The following TLE7 variants were observed in gnomAD, a reference collection of about 807,000 sequenced individuals.
TLE7 encodes transducin-like enhancer protein 7.
chr16:71,434,800 T>C (rs1263799359), intron 1 of TLE7, among the ~76,000 whole-genome samples: 1 of 152,200 alleles, frequency 6.6e-6, no homozygotes, highest in African/African-American at 2.4e-5. Flanking sequence ...CCTACCTCCC[T>C]ATTAGAAGGA....
chr16:71,438,681 C>CAAAAA (rs71389663), intron 1 of TLE7, among the ~76,000 whole-genome samples: 2 of 65,756 alleles, frequency 3.0e-5, no homozygotes, highest in African/African-American at 5.0e-5. Context: ...GACTCCATCT[C>CAAAAA]AAAAAAAAAA....
intron 1 of TLE7, among the ~76,000 whole-genome samples, chr16:71,441,759 C>T (rs1032493840): frequency 6.6e-6 from 1 of 152,242 alleles, no homozygotes; most frequent in Non-Finnish European, 1.5e-5. Flanking sequence ...GAGCCGAGGC[C>T]CAGGGTCAGA....
Position 71,431,555 on chromosome 16 carries a change from C to A in TLE7, c.859G>T (p.Glu287Ter), listed in dbSNP as rs2042803659. The change falls in exon 7 of 10, where the codon GAA becomes TAA. Residue 287 changes from glutamate (E) to a stop codon, truncating the protein, a stop_gained. Transcript: ENST00000561754. LOFTEE classifies it high-confidence loss of function. This position sits in a 1 kb window ranked among gnomAD's most constrained non-coding sequence, Gnocchi z 4.5. Reference sequence around the variant, plus strand: ...CATCGGGACCCGTATACAGGAACTTCGTGCTTCCTGGTGGGTGGGAAAACA... The same window carrying A: ...CATCGGGACCCGTATACAGGAACTTAGTGCTTCCTGGTGGGTGGGAAAACA... The part of the protein sequence containing the change: ...LQNQILIRKH[E>*]VPVYGSRCVD... 1 of 400,778 alleles carries A rather than the reference C, an allele frequency of 2.5e-6. No homozygotes were observed. Among genetic ancestry groups the A allele is most frequent in the East Asian group, 3.6e-5 (1 of 28,062 alleles). The allele number at this position is 400,778 out of a possible 1,614,324, so 24.8% of individuals were successfully genotyped here.
intron 1 of TLE7, among the ~76,000 whole-genome samples, chr16:71,441,247 C>A (rs2042846580): frequency 6.6e-6 from 1 of 152,218 alleles, no homozygotes; most frequent in South Asian, 2.1e-4. Flanking sequence ...AAGAAAAGTT[C>A]ACTTTTTTTT....
intron 1 of TLE7, among the ~76,000 whole-genome samples, chr16:71,435,222 C>T (rs925527089): frequency 3.9e-5 from 6 of 152,162 alleles, no homozygotes; most frequent in Non-Finnish European, 7.4e-5. Context: ...ACCAGCCTGA[C>T]CAACAAGGTG....
At chr16:71,439,588 A>G (rs2042839536) in intron 1 of TLE7, among the ~76,000 whole-genome samples, 1 of 152,124 alleles carries the variant, frequency 6.6e-6, no homozygotes, top group African/African-American at 2.4e-5. Flanking sequence ...ACAAGACTGG[A>G]GGCTGGGAAC....
In TLE7 at chr16:71,432,911, G is replaced by C. The variant is rs560334197; in HGVS notation, c.312-19C>G. 1.8e-5 allele frequency: 7 copies of C among 398,908 alleles called. No homozygotes were observed. In the Admixed American group the frequency reaches 2.6e-4, roughly 15 times the overall value. 24.7% of individuals were successfully genotyped at this position (398,908 alleles called of 1,614,324 possible). A position where few individuals can be genotyped will look rare whatever the true frequency, so the allele number is the denominator to read the frequency against. ...TAGGAAGCTACAACACATGGAGAGA[G>C]GGAGGGAGGAGACAGAGTGTGAGCC... On this transcript the variant is annotated intron_variant, in intron 2 of 9. Coordinates refer to ENST00000561754, the MANE Select transcript of TLE7 (RefSeq NM_001367365.2).
chr16:71,437,350 G>GAAAA (rs57942255), intron 1 of TLE7, among the ~76,000 whole-genome samples: 1 of 89,660 alleles, frequency 1.1e-5, no homozygotes, highest in Admixed American at 1.3e-4. Context: ...CTCTGTCTCA[G>GAAAA]AAAAAAAAAA....
chr16:71,434,453 C>T (rs576737775), intron 1 of TLE7, among the ~76,000 whole-genome samples: 17 of 152,178 alleles, frequency 1.1e-4, no homozygotes, highest in South Asian at 2.1e-4. Context: ...AGACAATGCG[C>T]GGGGAAAGGA....
intron 1 of TLE7, among the ~76,000 whole-genome samples, chr16:71,440,346 C>A (rs542058916): frequency 6.6e-6 from 1 of 152,204 alleles, no homozygotes; most frequent in East Asian, 1.9e-4. Context: ...TAAGATGAGC[C>A]GGGCACCTGT....
chr16:71,439,166 AAGTCAG>A (rs2145047330), intron 1 of TLE7, among the ~76,000 whole-genome samples: 1 of 152,262 alleles, frequency 6.6e-6, no homozygotes, highest in African/African-American at 2.4e-5. Flanking sequence ...TGGAGATTAC[AAGTCAG>A]AGTGGAAAGT....
At position 71,433,077 on chromosome 16, in the gene TLE7, G is replaced by A. The variant is rs561472614; in HGVS notation, c.248C>T (p.Ser83Phe). ...AGGGAGCCCAGCGGCCTGGAGCTCA[G>A]ATCTACCCAGGCCCTGGAGGTGCCA... The part of the protein sequence containing the change: ...QQWHLQGLGR[S>F]ELQAAGLPDA... The change falls in exon 2 of 10, where the codon TCT becomes TTT. Residue 83 changes from serine to phenylalanine, a missense_variant. By Grantham distance (155) the Ser-to-Phe change is radical. Coordinates refer to ENST00000561754, the MANE Select transcript of TLE7 (RefSeq NM_001367365.2). 1.8e-5 allele frequency: 7 copies of A among 398,724 alleles called. No homozygotes were observed. The highest frequency in any genetic ancestry group is 3.1e-5 in the Non-Finnish European group (7 of 226,268). 24.7% of individuals were successfully genotyped at this position (398,724 alleles called of 1,614,324 possible). A position where few individuals can be genotyped will look rare whatever the true frequency, so the allele number is the denominator to read the frequency against.
chr16:71,440,505 TA>T (rs558393321), intron 1 of TLE7, among the ~76,000 whole-genome samples: 144 of 152,254 alleles, frequency 9.5e-4, no homozygotes, highest in African/African-American at 3.4e-3. Context: ...GCTAAAGTGT[TA>T]AATTTCATGT....
chr16:71,430,473 G>A, intron 9 of TLE7, 107 bp from the exon 10 acceptor site: 1 of 398,130 alleles, frequency 2.5e-6, no homozygotes. Flanking sequence ...TCAGGTGGAG[G>A]ACAGGGCCAG....
intron 1 of TLE7, among the ~76,000 whole-genome samples, chr16:71,436,005 C>T (rs2042824700): frequency 6.6e-6 from 1 of 152,154 alleles, no homozygotes; most frequent in South Asian, 2.1e-4. Context: ...CTAGAAAGAG[C>T]AGGAGGAAGA....
At chr16:71,437,324 G>A (rs1370905109) in intron 1 of TLE7, among the ~76,000 whole-genome samples, 2 of 135,714 alleles carry the variant, frequency 1.5e-5, no homozygotes, top group African/African-American at 5.6e-5. Context: ...ATTCCAGCCT[G>A]AGTGACAGAG....
chr16:71,433,163 C>A lies in TLE7; in HGVS notation c.162G>T (p.Pro54=). The part of the protein sequence containing the change: ...GSLLGVPWQP[P]GPPIQHSPAD... ...CAGGGCTGTGCTGTATTGGGGGGCC[C>A]GGGGGCTGCCAGGGCACTCCCAACA... The change falls in exon 2 of 10, where the codon CCG becomes CCT. Residue 54 remains proline (P), a synonymous_variant. Transcript: ENST00000561754. 1 of 398,692 alleles carries A rather than the reference C, an allele frequency of 2.5e-6. No individual in the cohort carries two copies. The highest frequency in any genetic ancestry group is 4.4e-6 in the Non-Finnish European group (1 of 226,144). 24.7% of individuals were successfully genotyped at this position (398,692 alleles called of 1,614,324 possible). A position where few individuals can be genotyped will look rare whatever the true frequency, so the allele number is the denominator to read the frequency against.
intron 1 of TLE7, among the ~76,000 whole-genome samples, chr16:71,437,975 C>T (rs754134390): frequency 5.9e-5 from 9 of 152,250 alleles, no homozygotes; most frequent in South Asian, 2.1e-4. Context: ...TGATCCAGAC[C>T]CCAAGAGTCT....
chr16:71,431,546 C>T lies in TLE7; in HGVS notation c.868G>A (p.Val290Ile), dbSNP rs1596984448. The part of the protein sequence containing the change: ...QILIRKHEVP[V>I]YGSRCVDITG... ...ATGTCCACACATCGGGACCCGTATA[C>T]AGGAACTTCGTGCTTCCTGGTGGGT... The change falls in exon 7 of 10, where the codon GTA becomes ATA. Residue 290 changes from valine (V) to isoleucine (I), a missense_variant. By Grantham distance (29) the Val-to-Ile change is conservative. Transcript: ENST00000561754. This position sits in a 1 kb window ranked among gnomAD's most constrained non-coding sequence, Gnocchi z 4.5. 2.5e-6 allele frequency: 1 copy of T among 400,804 alleles called. No individual in the cohort carries two copies. Among genetic ancestry groups the T allele is most frequent in the East Asian group, 3.6e-5 (1 of 28,062 alleles). 24.8% of individuals were successfully genotyped at this position (400,804 alleles called of 1,614,324 possible). A position where few individuals can be genotyped will look rare whatever the true frequency, so the allele number is the denominator to read the frequency against.
Sources: gnomAD v4.1 joint callset for allele counts (sites outside exome capture counted in the v4.1 genomes callset) on GRCh38, gnomAD v4.1.1 for gene constraint, Gnocchi (gnomAD v3.1) non-coding constraint, MANE v1.5 for transcripts, NCBI Gene and HGNC (gene_info 2026-07-23, HGNC 2026-07-21) for gene names.